Variants in MGRN1 observed in about 807,000 individuals in gnomAD.
MGRN1 encodes the protein mahogunin ring finger 1.
A neutral mutation model predicts 69.2 loss-of-function variants in MGRN1; 29 were observed. The observed-to-expected ratio is 0.42, with a 90% confidence interval of 0.31 to 0.57. MGRN1 has a LOEUF of 0.57. Ranked by LOEUF, MGRN1 falls within the 20% of genes least tolerant of loss-of-function variation. The pLI is 0.15. For missense variants in MGRN1, 998 were observed against 796.2 expected, an observed-to-expected ratio of 1.25 and a Z score of -3.05; for synonymous variants, 470 against 344.2, an observed-to-expected ratio of 1.37 and a Z score of -4.04.
chr16:4,660,363 C>T (rs987796387), intron 5 of MGRN1, among the ~76,000 whole-genome samples: 3 of 152,216 alleles, frequency 2.0e-5, no homozygotes, highest in African/African-American at 4.8e-5. Flanking sequence ...ACTGTAAACC[C>T]GTCTGCCAGC....
In MGRN1 at chr16:4,690,210, T is replaced by C. The variant is rs1485701854; in HGVS notation, c.*1302T>C. On this transcript the variant is annotated 3_prime_UTR_variant, in exon 17 of 17. Transcript: ENST00000262370. ...CTGGGCGACCTCGTCCTGTTTTTTT[T>C]GTTTGTTTGTTTGTTTTTTTAAAGG... The C allele has an allele frequency of 6.6e-6, 1 of 151,964 alleles. No individual in the cohort carries two copies. The allele number at this position is 151,964 out of a possible 1,614,324, so 9.4% of individuals were successfully genotyped here.
In MGRN1 at chr16:4,681,793, C is replaced by T. The variant is rs775757852; in HGVS notation, c.1358+17C>T. 1 of 1,605,256 alleles carries T rather than the reference C, an allele frequency of 6.2e-7. No homozygotes were observed. Among genetic ancestry groups the T allele is most frequent in the Non-Finnish European group, 8.5e-7 (1 of 1,176,086 alleles). On this transcript the variant is annotated intron_variant, in intron 13 of 16. Coordinates refer to ENST00000262370, the MANE Select transcript of MGRN1 (RefSeq NM_015246.4). ...CCCCGACAGGTGAGCAGCAGCCAGG[C>T]CAGGTGCATGGCAGGGTGTGTGGTG...
chr16:4,631,524 G>T (rs1369230100), intron 1 of MGRN1, among the ~76,000 whole-genome samples: 1 of 152,208 alleles, frequency 6.6e-6, no homozygotes, highest in African/African-American at 2.4e-5. Flanking sequence ...AGAGGCCACA[G>T]GACAGTCCCC....
At chr16:4,670,997 T>C (rs1330300307) in intron 8 of MGRN1, among the ~76,000 whole-genome samples, 1 of 152,204 alleles carries the variant, frequency 6.6e-6, no homozygotes, top group Non-Finnish European at 1.5e-5. Flanking sequence ...TCATGCCTTT[T>C]GGAAGGAGGA....
Position 4,678,544 on chromosome 16 carries a change from CAG to C in MGRN1, c.1065+974_1065+975del, listed in dbSNP as rs375194617. On this transcript the variant is annotated intron_variant, in intron 11 of 16. Coordinates refer to ENST00000262370, the MANE Select transcript of MGRN1 (RefSeq NM_015246.4). ...AGACAGATGTGGAGAGACGGAGAGA[CAG>C]ATGTGGAGAGACAGGGTGAGAGAGA... 2.1e-4 allele frequency among the ~76,000 whole-genome samples: 31 copies of C among 148,802 alleles called. No homozygotes were observed. In the East Asian group the frequency reaches 3.0e-3, roughly 14 times the overall value.
chr16:4,647,854 C>T (rs1304664376), intron 1 of MGRN1, among the ~76,000 whole-genome samples: 1 of 152,120 alleles, frequency 6.6e-6, no homozygotes, highest in African/African-American at 2.4e-5. Context: ...CTGCGGCTCC[C>T]AACCACTGTT....
chr16:4,633,103 T>C (rs1473754779), intron 1 of MGRN1, among the ~76,000 whole-genome samples: 1 of 151,396 alleles, frequency 6.6e-6, no homozygotes, highest in African/African-American at 2.4e-5. Flanking sequence ...ATTAATAAAA[T>C]TTGGCCGGGT....
rs888366826 is a variant in MGRN1 at position 4,689,210 on chromosome 16, G to A, written c.*302G>A. ...AGCGGCTGGGGCTGGGGCTGCCCAC[G>A]TGTGGCCTCCGCTGGCTCTGCCTGC... On this transcript the variant is annotated 3_prime_UTR_variant, in exon 17 of 17. Transcript: ENST00000262370. 2.4e-5 allele frequency: 8 copies of A among 338,812 alleles called. No individual in the cohort carries two copies. Among genetic ancestry groups the A allele is most frequent in the Admixed American group, 9.2e-5 (2 of 21,798 alleles). The allele number at this position is 338,812 out of a possible 1,614,324, so 21.0% of individuals were successfully genotyped here. A position where few individuals can be genotyped will look rare whatever the true frequency, so the allele number is the denominator to read the frequency against.
At chr16:4,646,554 G>A (rs912921511) in intron 1 of MGRN1, among the ~76,000 whole-genome samples, 2 of 152,138 alleles carry the variant, frequency 1.3e-5, no homozygotes, top group Admixed American at 6.5e-5. Flanking sequence ...TCCTCCCCTC[G>A]GGACCTCTCC....
chr16:4,672,273 C>T (rs2078955863), intron 9 of MGRN1: 3 of 443,726 alleles, frequency 6.8e-6, no homozygotes, highest in African/African-American at 4.0e-5. Flanking sequence ...TCTCAAACTT[C>T]TGATCTCAAG....
At chr16:4,654,245 G>A (rs2078477760) in intron 4 of MGRN1, among the ~76,000 whole-genome samples, 1 of 152,154 alleles carries the variant, frequency 6.6e-6, no homozygotes, top group Non-Finnish European at 1.5e-5. Context: ...CAAAGGTCAA[G>A]GAACAAATAT....
At chr16:4,670,597 A>G (rs1208684501) in intron 8 of MGRN1, among the ~76,000 whole-genome samples, 1 of 152,234 alleles carries the variant, frequency 6.6e-6, no homozygotes, top group African/African-American at 2.4e-5. Flanking sequence ...GCTTATGCCT[A>G]TGATCCCAGC....
intron 4 of MGRN1, among the ~76,000 whole-genome samples, chr16:4,656,626 A>T (rs2078544486): frequency 6.6e-6 from 1 of 152,192 alleles, no homozygotes; most frequent in South Asian, 2.1e-4. Context: ...CAGGCCTGTA[A>T]TCCCAGCACT....
intron 1 of MGRN1, among the ~76,000 whole-genome samples, chr16:4,646,693 G>T (rs913016273): frequency 5.3e-5 from 8 of 152,242 alleles, no homozygotes; most frequent in Admixed American, 2.6e-4. Context: ...GCCCTGTTCA[G>T]TGTGGGTGCA....
chr16:4,625,560 A>G (rs536089938), intron 1 of MGRN1, among the ~76,000 whole-genome samples: 1 of 152,276 alleles, frequency 6.6e-6, no homozygotes, highest in African/African-American at 2.4e-5. Context: ...GGCTGGGCCC[A>G]AGGAGACGAT....
At chr16:4,658,197 G>A (rs996642981) in intron 5 of MGRN1, among the ~76,000 whole-genome samples, 2 of 151,966 alleles carry the variant, frequency 1.3e-5, no homozygotes, top group Admixed American at 1.3e-4. Flanking sequence ...CATCTGGTCT[G>A]CAGCTTGCAA....
intron 10 of MGRN1, 90 bp from the exon 11 acceptor site, chr16:4,677,373 T>G (rs889787876): frequency 5.3e-6 from 5 of 951,310 alleles, no homozygotes; most frequent in Middle Eastern, 3.3e-4. Flanking sequence ...CCCTATGGTG[T>G]GGGGGGGGTG....
intron 1 of MGRN1, 81 bp from the exon 2 acceptor site, chr16:4,650,284 A>C: frequency 9.1e-7 from 1 of 1,099,550 alleles, no homozygotes. Flanking sequence ...GCCTGGGTGG[A>C]GCGCCACTGC....
At chr16:4,649,592 G>A (rs1163738245) in intron 1 of MGRN1, 1 of 152,240 alleles carries the variant, frequency 6.6e-6, no homozygotes, top group East Asian at 1.9e-4. Context: ...TTAAGAACCA[G>A]TCACTGGATT....
Sources: allele counts gnomAD v4.1 joint callset (sites outside exome capture counted in the v4.1 genomes callset), GRCh38; gene constraint gnomAD v4.1.1; transcripts MANE v1.5; gene names NCBI Gene and HGNC (gene_info 2026-07-23, HGNC 2026-07-21).